The following PCCA variants were observed in gnomAD, a reference collection of about 807,000 sequenced individuals.
PCCA encodes propionyl-CoA carboxylase subunit alpha.
Under a neutral mutation model 101.3 loss-of-function variants are expected in PCCA, and 74 were observed. The ratio of observed to expected loss-of-function variants is 0.73; its 90% confidence interval spans 0.61 to 0.89. The LOEUF (loss-of-function observed/expected upper bound fraction) is 0.89, where lower values mean the gene tolerates loss of function less well. PCCA is among the 40% of genes least tolerant of loss of function. PCCA has a pLI of 0.00. For synonymous variants in PCCA, 294 were observed against 313.6 expected, an observed-to-expected ratio of 0.94 and a Z score of 0.66; for missense variants, 891 against 907.0, an observed-to-expected ratio of 0.98 and a Z score of 0.23.
rs558617402 is a variant in PCCA, at chr13:100,345,392, A to G, written c.1643+5133A>G. Among the ~76,000 whole-genome samples, 3 of 152,172 alleles carry G rather than the reference A, an allele frequency of 2.0e-5. 1 individual carries two copies. Among genetic ancestry groups the G allele is most frequent in the African/African-American group, 7.2e-5 (3 of 41,584 alleles). On this transcript the variant is annotated intron_variant, in intron 18 of 23. Transcript: ENST00000376285. ...TTTTATAGGTCTGGATAGAAGATCA[A>G]ACCAGCCACAACATTCACTTAAGTG...
At chr13:100,361,741 G>C (rs951997501) in intron 18 of PCCA, among the ~76,000 whole-genome samples, 1 of 152,194 alleles carries the variant, frequency 6.6e-6, no homozygotes, top group African/African-American at 2.4e-5. Context: ...GAATTAGAAA[G>C]ACTGACAATG....
intron 4 of PCCA, among the ~76,000 whole-genome samples, chr13:100,117,514 A>G (rs1473404514): frequency 4.6e-5 from 7 of 151,970 alleles, no homozygotes; most frequent in East Asian, 1.9e-4. Context: ...TCAGCAAACT[A>G]TCACAGGGAC....
At chr13:100,329,432 G>A (rs1010570075) in intron 16 of PCCA, among the ~76,000 whole-genome samples, 11 of 152,044 alleles carry the variant, frequency 7.2e-5, no homozygotes, top group Admixed American at 1.3e-4. Flanking sequence ...CTTAGTGGCC[G>A]GCCTTCAGAA....
chr13:100,096,718 A>G (rs1024342623), intron 1 of PCCA, among the ~76,000 whole-genome samples: 6 of 152,334 alleles, frequency 3.9e-5, no homozygotes, highest in African/African-American at 1.4e-4. Context: ...AAACAGCTTT[A>G]TTGCTGATAT....
intron 14 of PCCA, among the ~76,000 whole-genome samples, chr13:100,304,089 A>AATTTTCAAAC (rs763738752): frequency 4.6e-5 from 7 of 152,236 alleles, no homozygotes; most frequent in Non-Finnish European, 1.0e-4. Context: ...TGCAATTTGC[A>AATTTTCAAAC]ATTTTCAAAC....
intron 10 of PCCA, among the ~76,000 whole-genome samples, chr13:100,266,320 A>T (rs2062931188): frequency 6.6e-6 from 1 of 152,206 alleles, no homozygotes; most frequent in Non-Finnish European, 1.5e-5. Context: ...AAATAATTAC[A>T]TACCTAGATC....
chr13:100,443,162 G>A (rs1223761117), intron 20 of PCCA, among the ~76,000 whole-genome samples: 1 of 152,146 alleles, frequency 6.6e-6, no homozygotes, highest in Non-Finnish European at 1.5e-5. Context: ...CTTAGACCAG[G>A]AGGCACCGTC....
At chr13:100,383,642 G>C (rs1467086003) in intron 19 of PCCA, among the ~76,000 whole-genome samples, 2 of 151,892 alleles carry the variant, frequency 1.3e-5, no homozygotes, top group Non-Finnish European at 2.9e-5. Context: ...ATTTGAGATA[G>C]GTAAGCTTTT....
chr13:100,169,957 C>T (rs2055468210), intron 6 of PCCA, among the ~76,000 whole-genome samples: 1 of 152,126 alleles, frequency 6.6e-6, no homozygotes, highest in South Asian at 2.1e-4. Flanking sequence ...ACCTCAGCCT[C>T]CGGAAGTGCT....
chr13:100,150,097 C>T (rs7989028), intron 4 of PCCA, among the ~76,000 whole-genome samples: 9 of 130,020 alleles, frequency 6.9e-5, no homozygotes, highest in Non-Finnish European at 1.4e-4. Flanking sequence ...GTGGCCTGAT[C>T]GGCTCACTGC....
chr13:100,443,050 G>T (rs2080495845), intron 20 of PCCA, among the ~76,000 whole-genome samples: 1 of 152,122 alleles, frequency 6.6e-6, no homozygotes, highest in Non-Finnish European at 1.5e-5. Context: ...TTGGGTAGGA[G>T]AGTGATGTGA....
rs528093236 is a variant in PCCA at position 100,433,782 on chromosome 13, T to G, written c.1845+8051T>G. On this transcript the variant is annotated intron_variant, in intron 20 of 23. Coordinates refer to ENST00000376285, the MANE Select transcript of PCCA (RefSeq NM_000282.4). The stretch of plus-strand genomic sequence containing the variant: ...TTTATATTGTAGGGGCAAAAGGGTG[T>G]GATCCCACTCCTCCCCATCATAAGG... Among the ~76,000 whole-genome samples the G allele has an allele frequency of 3.9e-5, 6 of 152,332 alleles. No individual in the cohort carries two copies. The South Asian group carries it at 1.2e-3, about 32-fold the overall frequency.
chr13:100,512,852 C>T (rs1028235849), intron 21 of PCCA, among the ~76,000 whole-genome samples: 3 of 152,170 alleles, frequency 2.0e-5, no homozygotes, highest in South Asian at 2.1e-4. Context: ...TAAATGCCCA[C>T]GGTGAAACCG....
At chr13:100,505,486 C>G (rs2085996964) in intron 21 of PCCA, among the ~76,000 whole-genome samples, 1 of 152,178 alleles carries the variant, frequency 6.6e-6, no homozygotes, top group South Asian at 2.1e-4. Context: ...TCTATTTGCT[C>G]TCAAACATGG....
chr13:100,119,043 C>T (rs2049107049), intron 4 of PCCA, among the ~76,000 whole-genome samples: 1 of 152,000 alleles, frequency 6.6e-6, no homozygotes, highest in Admixed American at 6.6e-5. Context: ...CCTCAACCAC[C>T]TCTCATCTAA....
intron 19 of PCCA, among the ~76,000 whole-genome samples, chr13:100,408,670 G>A (rs558544908): frequency 1.3e-5 from 2 of 152,270 alleles, no homozygotes; most frequent in Admixed American, 1.3e-4. Flanking sequence ...CCTAAGGCAG[G>A]ATTGCTAAAC....
At chr13:100,401,907 A>C (rs1339494444) in intron 19 of PCCA, among the ~76,000 whole-genome samples, 1 of 152,170 alleles carries the variant, frequency 6.6e-6, no homozygotes, top group African/African-American at 2.4e-5. Context: ...GTGAAACCTT[A>C]GTATTGGGAT....
At chr13:100,234,343 G>A (rs566460016) in intron 7 of PCCA, among the ~76,000 whole-genome samples, 2 of 152,082 alleles carry the variant, frequency 1.3e-5, no homozygotes, top group Admixed American at 6.5e-5. Context: ...TAGGGTCAGC[G>A]AAAACAGCAA....
At chr13:100,484,995 G>A (rs2084261008) in intron 21 of PCCA, among the ~76,000 whole-genome samples, 1 of 152,108 alleles carries the variant, frequency 6.6e-6, no homozygotes, top group South Asian at 2.1e-4. Flanking sequence ...CACTGGTTTT[G>A]TCTTCCGTTT....
Sources: gnomAD v4.1 joint callset for allele counts (sites outside exome capture counted in the v4.1 genomes callset) on GRCh38, gnomAD v4.1.1 for gene constraint, MANE v1.5 for transcripts, NCBI Gene and HGNC (gene_info 2026-07-23, HGNC 2026-07-21) for gene names.